Variants in PHLPP1 observed in about 807,000 individuals in gnomAD.
PHLPP1 encodes the protein PH domain leucine-rich repeat-containing protein phosphatase 1.
PHLPP1 carries 42 observed loss-of-function variants against 117.2 expected under a neutral mutation model. That is an observed-to-expected ratio of 0.36 (90% confidence interval 0.28 to 0.46). The LOEUF (loss-of-function observed/expected upper bound fraction) is 0.46. Among genes scored for constraint, PHLPP1 ranks in the 20% least tolerant of loss-of-function variants. The pLI is 1.00. For synonymous variants in PHLPP1, 1,042 were observed against 970.7 expected (o/e 1.07, Z -1.37); for missense variants, 2,084 against 2,241.9 (o/e 0.93, Z 1.42).
intron 11 of PHLPP1, among the ~76,000 whole-genome samples, chr18:62,944,055 T>C (rs1448332134): frequency 2.6e-5 from 4 of 151,194 alleles, no homozygotes; most frequent in Non-Finnish European, 5.9e-5. Context: ...ATGACAAAAA[T>C]AATACAGTGG....
rs891860721 is a variant in PHLPP1 at position 62,716,014 on chromosome 18, G to T, written c.331G>T (p.Gly111Trp). 7.2e-7 allele frequency: 1 copy of T among 1,383,384 alleles called. No individual in the cohort carries two copies. The highest frequency in any genetic ancestry group is 3.6e-5 in the Admixed American group (1 of 28,004). 85.7% of individuals were successfully genotyped at this position (1,383,384 alleles called of 1,614,324 possible). Residue 111 changes from glycine to tryptophan, a missense_variant, in exon 1 of 17, where the codon GGG becomes TGG. Physicochemically the swap from Gly to Trp is radical, Grantham distance 184 (BLOSUM62 -2). Transcript: ENST00000262719. This position sits in a 1 kb window ranked among gnomAD's most constrained non-coding sequence, Gnocchi z 5.7. ...TGCCGGCGGGGCTGCCCCCGTACCC[G>T]GGGCCGGCGGCGGCGCCAACTCCCT... ...PIAGGAAPVPGAGGGANSLLL... is the reference protein window; with the variant it reads ...PIAGGAAPVPWAGGGANSLLL...
chr18:62,805,109 A>G (rs1363102448), intron 1 of PHLPP1, among the ~76,000 whole-genome samples: 3 of 141,658 alleles, frequency 2.1e-5, no homozygotes, highest in Non-Finnish European at 4.6e-5. Flanking sequence ...TTATACATAT[A>G]CAGTATAATA....
intron 1 of PHLPP1, among the ~76,000 whole-genome samples, chr18:62,739,544 G>A (rs968182547): frequency 6.6e-6 from 1 of 152,158 alleles, no homozygotes; most frequent in African/African-American, 2.4e-5. Context: ...ATATCTCAGT[G>A]GAAGAAGAGA....
chr18:62,866,653 A>T (rs1368232238), intron 4 of PHLPP1, among the ~76,000 whole-genome samples: 2 of 152,192 alleles, frequency 1.3e-5, no homozygotes, highest in Admixed American at 6.5e-5. Flanking sequence ...TTTTAAACCT[A>T]AATAAAAAGA....
chr18:62,974,258 A>G (rs1911128872), intron 15 of PHLPP1, among the ~76,000 whole-genome samples: 2 of 152,232 alleles, frequency 1.3e-5, no homozygotes, highest in South Asian at 2.1e-4. Context: ...AACCTAAACT[A>G]TAGGCCCTTC....
At chr18:62,724,700 T>A (rs760946444) in intron 1 of PHLPP1, among the ~76,000 whole-genome samples, 1 of 152,200 alleles carries the variant, frequency 6.6e-6, no homozygotes, top group Non-Finnish European at 1.5e-5. Context: ...CTTTACACAG[T>A]TAGTCGTTTC....
chr18:62,979,570 G>T lies in PHLPP1; in HGVS notation c.*139G>T. 1.1e-6 allele frequency: 1 copy of T among 907,336 alleles called. No individual in the cohort carries two copies. 56.2% of individuals were successfully genotyped at this position (907,336 alleles called of 1,614,324 possible). On this transcript the variant is annotated 3_prime_UTR_variant, in exon 17 of 17. Coordinates refer to ENST00000262719, the MANE Select transcript of PHLPP1 (RefSeq NM_194449.4). ...CCCAACCTGTCATCGCAGCTAATCT[G>T]TAGGTTCTCTTTCTTTGGGTTATTT...
chr18:62,895,932 T>C lies in PHLPP1; in HGVS notation c.2365T>C (p.Cys789Arg). 1.2e-6 allele frequency: 2 copies of C among 1,613,888 alleles called. No individual in the cohort carries two copies. The highest frequency in any genetic ancestry group is 1.7e-6 in the Non-Finnish European group (2 of 1,179,768). ...LEKLTAVDKL[C>R]MSGNCVETLR... The stretch of plus-strand genomic sequence containing the variant: ...GAAATTGACTGCTGTGGATAAACTT[T>C]GTATGTCTGGAAACTGTGTGGAGAC... Residue 789 changes from cysteine (C) to arginine (R), a missense_variant, in exon 6 of 17, where the codon TGT (cysteine) becomes CGT (arginine). Coordinates refer to ENST00000262719, the MANE Select transcript of PHLPP1 (RefSeq NM_194449.4).
intron 1 of PHLPP1, among the ~76,000 whole-genome samples, chr18:62,757,277 T>C (rs1254344095): frequency 6.6e-6 from 1 of 152,222 alleles, no homozygotes; most frequent in Non-Finnish European, 1.5e-5. Context: ...ATTTAGTGCC[T>C]CTGAAACAGT....
Position 62,900,433 on chromosome 18 carries a change from C to CTTTTTT in PHLPP1, c.2445-2508_2445-2503dup, listed in dbSNP as rs774225759. 1.7e-4 allele frequency among the ~76,000 whole-genome samples: 9 copies of CTTTTTT among 54,266 alleles called. 2 individuals carry two copies. The highest frequency in any genetic ancestry group is 6.9e-4 in the Admixed American group (3 of 4,376). The allele number at this position is 54,266 out of a possible 152,430, so 35.6% of individuals were successfully genotyped here. On this transcript the variant is annotated intron_variant, in intron 6 of 16. Coordinates refer to ENST00000262719, the MANE Select transcript of PHLPP1 (RefSeq NM_194449.4). ...GTATTCTTGTTTTTTCTTTTTCTTT[C>CTTTTTT]TTTTTTTTTTTTTTTTTTTTTTTTT...
At position 62,738,296 on chromosome 18, in the gene PHLPP1, C is replaced by A. The variant is rs554948933; in HGVS notation, c.1576+21037C>A. On this transcript the variant is annotated intron_variant, in intron 1 of 16. Transcript: ENST00000262719. ...GCTTGAGCCTGGGAGGCCGAGCCTGCAGTGAGTTGTGATGGTGCCACTGCA... is the reference window on the plus strand; with the variant it reads ...GCTTGAGCCTGGGAGGCCGAGCCTGAAGTGAGTTGTGATGGTGCCACTGCA... Among the ~76,000 whole-genome samples the A allele has an allele frequency of 6.6e-5, 10 of 152,158 alleles. No individual in the cohort carries two copies. The South Asian group carries it at 2.1e-3, about 32-fold the overall frequency.
At chr18:62,767,835 TAGCAGA>T (rs1200756458) in intron 1 of PHLPP1, among the ~76,000 whole-genome samples, 2 of 152,188 alleles carry the variant, frequency 1.3e-5, no homozygotes, top group African/African-American at 2.4e-5. Context: ...TAGAGTACAA[TAGCAGA>T]AAACCAATCA....
At chr18:62,772,229 ATGT>A (rs541316629) in intron 1 of PHLPP1, among the ~76,000 whole-genome samples, 37 of 152,184 alleles carry the variant, frequency 2.4e-4, no homozygotes, top group Non-Finnish European at 4.3e-4. Flanking sequence ...AGGTTATGTA[ATGT>A]TGTGGGTAAT....
chr18:62,784,024 G>A (rs1167386921), intron 1 of PHLPP1, among the ~76,000 whole-genome samples: 4 of 152,204 alleles, frequency 2.6e-5, no homozygotes, highest in Non-Finnish European at 4.4e-5. Context: ...TGTAACTCCA[G>A]ACCCAGGCTC....
chr18:62,716,182 C>G lies in PHLPP1; in HGVS notation c.499C>G (p.Leu167Val), dbSNP rs926184117. Reference sequence around the variant, plus strand: ...CGCCTCCTGCTCGGCCTCGGCGTCGCTGTGCACCCGGAGCCTGGACAGGAA... The same window carrying G: ...CGCCTCCTGCTCGGCCTCGGCGTCGGTGTGCACCCGGAGCCTGGACAGGAA... ...LPASCSASASLCTRSLDRKTL... is the reference protein window; with the variant it reads ...LPASCSASASVCTRSLDRKTL... Residue 167 changes from leucine (L) to valine (V), a missense_variant, in exon 1 of 17, where the codon CTG (leucine) becomes GTG (valine). Transcript: ENST00000262719. This position sits in a 1 kb window ranked among gnomAD's most constrained non-coding sequence, Gnocchi z 5.7. 101 of 1,521,058 alleles carry G rather than the reference C, an allele frequency of 6.6e-5. No homozygotes were observed. Among genetic ancestry groups the G allele is most frequent in the Non-Finnish European group, 8.8e-5 (100 of 1,140,326 alleles). 94.2% of individuals were successfully genotyped at this position (1,521,058 alleles called of 1,614,324 possible). A position where few individuals can be genotyped will look rare whatever the true frequency, so the allele number is the denominator to read the frequency against.
chr18:62,886,271 A>ATTGT (rs984171045), intron 4 of PHLPP1, among the ~76,000 whole-genome samples: 22 of 152,118 alleles, frequency 1.4e-4, no homozygotes, highest in Middle Eastern at 6.8e-3. Context: ...AGTCATGCAC[A>ATTGT]TTGTTTGTTT....
chr18:62,856,623 G>A (rs926525049), intron 3 of PHLPP1, among the ~76,000 whole-genome samples: 2 of 152,018 alleles, frequency 1.3e-5, no homozygotes, highest in African/African-American at 4.8e-5. Context: ...AGTAGAGTTG[G>A]TGGTCTCACT....
chr18:62,927,647 A>C (rs1909676146), intron 10 of PHLPP1, among the ~76,000 whole-genome samples: 1 of 152,126 alleles, frequency 6.6e-6, no homozygotes. Flanking sequence ...GACATTAAAG[A>C]AACAAAGGAA....
At chr18:62,923,998 A>T (rs901603570) in intron 10 of PHLPP1, among the ~76,000 whole-genome samples, 1 of 152,246 alleles carries the variant, frequency 6.6e-6, no homozygotes, top group South Asian at 2.1e-4. Context: ...ATGACTAAAC[A>T]TAGGAATTAT....
Sources: allele counts gnomAD v4.1 joint callset (sites outside exome capture counted in the v4.1 genomes callset), GRCh38; gene constraint gnomAD v4.1.1; non-coding constraint Gnocchi (gnomAD v3.1); transcripts MANE v1.5; gene names NCBI Gene and HGNC (gene_info 2026-07-23, HGNC 2026-07-21).